GLP2R: variants seen among roughly 807,000 people sequenced by gnomAD.
GLP2R encodes glucagon-like peptide 2 receptor.
In GLP2R, 59 loss-of-function variants were observed where a neutral mutation model predicts 68.2. The observed-to-expected ratio is 0.87, with a 90% CI of 0.70 to 1.07. The LOEUF (loss-of-function observed/expected upper bound fraction) is 1.07. GLP2R is among the 50% of genes least tolerant of loss of function. GLP2R has a pLI of 0.00. For synonymous variants in GLP2R, 270 were observed against 265.4 expected (o/e 1.02, Z -0.17); for missense variants, 548 against 677.4 (o/e 0.81, Z 2.12).
chr17:9,851,292 G>C (rs1358398002), intron 4 of GLP2R, among the ~76,000 whole-genome samples: 1 of 152,230 alleles, frequency 6.6e-6, no homozygotes, highest in African/African-American at 2.4e-5. Flanking sequence ...ACACCACTCT[G>C]TGTGCAGAAG....
intron 11 of GLP2R, among the ~76,000 whole-genome samples, chr17:9,887,058 A>G (rs2067249536): frequency 6.6e-6 from 1 of 152,204 alleles, no homozygotes; most frequent in African/African-American, 2.4e-5. Flanking sequence ...GAGCCTGAGA[A>G]AGACAATGGA....
At chr17:9,870,471 A>G (rs2067081770) in intron 9 of GLP2R, among the ~76,000 whole-genome samples, 4 of 152,112 alleles carry the variant, frequency 2.6e-5, no homozygotes, top group African/African-American at 9.7e-5. Flanking sequence ...CAGAATAATA[A>G]ACTAAATCAC....
chr17:9,841,048 C>T (rs188010270), intron 3 of GLP2R, among the ~76,000 whole-genome samples: 9 of 148,112 alleles, frequency 6.1e-5, no homozygotes, highest in Non-Finnish European at 1.2e-4. Context: ...ACAGAGTCTC[C>T]CTCTGTCACC....
intron 11 of GLP2R, among the ~76,000 whole-genome samples, chr17:9,886,405 C>T (rs973497838): frequency 4.7e-5 from 7 of 150,284 alleles, no homozygotes; most frequent in African/African-American, 1.5e-4. Flanking sequence ...AGCAAGCACC[C>T]GAGGAAGTGA....
At chr17:9,836,338 CT>C in intron 2 of GLP2R, 32 bp from the exon 3 acceptor site, 1 of 1,402,126 alleles carries the variant, frequency 7.1e-7, no homozygotes, top group Non-Finnish European at 1.0e-6. Context: ...TGCTAAAACA[CT>C]GATGTTTATC....
chr17:9,885,148 TTTATTATTATTATTATTATTA>T (rs3073992), intron 11 of GLP2R, among the ~76,000 whole-genome samples: 9 of 143,370 alleles, frequency 6.3e-5, no homozygotes, highest in Non-Finnish European at 1.1e-4. Flanking sequence ...TAGTAACCAT[TTTATTATTATTATTATTATTA>T]TTATTATTAT....
At chr17:9,837,623 G>A (rs767622667) in intron 3 of GLP2R, among the ~76,000 whole-genome samples, 59 of 152,216 alleles carry the variant, frequency 3.9e-4, no homozygotes, top group Admixed American at 7.2e-4. Flanking sequence ...CACTTAGCTT[G>A]CTCTGATGCT....
intron 9 of GLP2R, among the ~76,000 whole-genome samples, chr17:9,863,194 C>T (rs2067002862): frequency 1.3e-5 from 2 of 152,184 alleles, no homozygotes; most frequent in African/African-American, 4.8e-5. Context: ...ATCCTCCTGC[C>T]CTCCACAGTC....
intron 4 of GLP2R, among the ~76,000 whole-genome samples, chr17:9,843,926 AT>A (rs1567721741): frequency 1.2e-4 from 1 of 8,390 alleles, no homozygotes; most frequent in African/African-American, 1.2e-3. Flanking sequence ...GAGTCTTGTG[AT>A]CTTGTGAGGC....
At chr17:9,860,173 T>C in intron 7 of GLP2R, 72 bp downstream of exon 7, 5 of 1,399,846 alleles carry the variant, frequency 3.6e-6, no homozygotes, top group Non-Finnish European at 4.8e-6. Flanking sequence ...GAGACTTTAG[T>C]TGGACTTAGA....
At chr17:9,841,501 A>G (rs2066786793) in intron 3 of GLP2R, among the ~76,000 whole-genome samples, 1 of 152,136 alleles carries the variant, frequency 6.6e-6, no homozygotes, top group Non-Finnish European at 1.5e-5. Flanking sequence ...CAGGGATGAC[A>G]GATTAGCTAG....
At chr17:9,860,730 T>A (rs1257443221) in intron 7 of GLP2R, among the ~76,000 whole-genome samples, 2 of 152,106 alleles carry the variant, frequency 1.3e-5, no homozygotes, top group East Asian at 3.9e-4. Context: ...TAGTCCATAA[T>A]ACCAGGTCTT....
At chr17:9,844,668 CTTTTTTTTTTTTTTTTTTTTTT>C (rs71139004) in intron 4 of GLP2R, among the ~76,000 whole-genome samples, 1,270 of 44,334 alleles carry the variant, frequency 0.029, 32 homozygotes, top group Non-Finnish European at 0.041. Flanking sequence ...CTACCTAATT[CTTTTTTTTTTTTTTTTTTTTTT>C]TTTTTTTTTT....
chr17:9,881,773 A>G (rs949376271), intron 11 of GLP2R, among the ~76,000 whole-genome samples: 35 of 152,180 alleles, frequency 2.3e-4, no homozygotes, highest in African/African-American at 8.2e-4. Context: ...GCCTAGATTG[A>G]AAGAGTAGGG....
At chr17:9,831,646 G>A (rs1053313055) in intron 1 of GLP2R, among the ~76,000 whole-genome samples, 6 of 152,188 alleles carry the variant, frequency 3.9e-5, no homozygotes, top group Non-Finnish European at 5.9e-5. Context: ...GAAGGAGCAC[G>A]ACTTGGGACA....
intron 9 of GLP2R, among the ~76,000 whole-genome samples, chr17:9,863,956 G>T (rs1340769761): frequency 6.6e-6 from 1 of 152,164 alleles, no homozygotes; most frequent in African/African-American, 2.4e-5. Context: ...TTGCTAACCA[G>T]GTAGAACAAA....
chr17:9,838,121 G>A (rs1386921684), intron 3 of GLP2R, among the ~76,000 whole-genome samples: 1 of 152,112 alleles, frequency 6.6e-6, no homozygotes, highest in Non-Finnish European at 1.5e-5. Context: ...TCGCTGGATC[G>A]GAGGACTCTG....
At position 9,825,933 on chromosome 17, in the gene GLP2R, C is replaced by T. The variant is rs570059411; in HGVS notation, c.-131C>T. ...TGCTCTAGACCGCCTCAGACACTCTCGGCGCAGCGTGGAGAGGATTTGTGC... is the reference window on the plus strand; with the variant it reads ...TGCTCTAGACCGCCTCAGACACTCTTGGCGCAGCGTGGAGAGGATTTGTGC... On this transcript the variant is annotated 5_prime_UTR_variant, in exon 1 of 13. Coordinates refer to ENST00000262441, the MANE Select transcript of GLP2R (RefSeq NM_004246.3). 1.2e-5 allele frequency: 9 copies of T among 749,244 alleles called. No individual in the cohort carries two copies. The highest frequency in any genetic ancestry group is 3.6e-5 in the African/African-American group (2 of 55,890). The allele number at this position is 749,244 out of a possible 1,614,324, so 46.4% of individuals were successfully genotyped here. A position where few individuals can be genotyped will look rare whatever the true frequency, so the allele number is the denominator to read the frequency against.
intron 6 of GLP2R, among the ~76,000 whole-genome samples, chr17:9,857,781 T>C (rs2066947960): frequency 6.6e-6 from 1 of 152,158 alleles, no homozygotes; most frequent in Admixed American, 6.5e-5. Context: ...AACAGAAGGG[T>C]TCACCATGGC....
Sources: gnomAD v4.1 joint callset for allele counts (sites outside exome capture counted in the v4.1 genomes callset) on GRCh38, gnomAD v4.1.1 for gene constraint, MANE v1.5 for transcripts, NCBI Gene and HGNC (gene_info 2026-07-23, HGNC 2026-07-21) for gene names.